BLTP2: variants seen among roughly 807,000 people sequenced by gnomAD.
The protein encoded by BLTP2 is bridge-like lipid transfer protein family member 2, also known as U937-associated antigen.
chr17:28,616,324 C>CA, the BLTP2 span: 2 of 1,612,760 alleles, frequency 1.2e-6, no homozygotes, highest in Admixed American at 3.3e-5. The surrounding 1 kb of genome is among the most constrained non-coding windows in gnomAD (Gnocchi z 4.8). Flanking sequence ...CAAGCCACAC[C>CA]AAACAGGACC....
chr17:28,634,012 C>T, the BLTP2 span: 5 of 1,614,152 alleles, frequency 3.1e-6, no homozygotes, highest in Non-Finnish European at 4.2e-6. Flanking sequence ...CCACTCTGCT[C>T]GGTGCCCACA....
At chr17:28,640,052 G>C in the BLTP2 span, 7 of 1,610,122 alleles carry the variant, frequency 4.3e-6, no homozygotes, top group Non-Finnish European at 5.1e-6. Flanking sequence ...TCCAGCTCAG[G>C]AAGATGTGGA....
At chr17:28,624,001 A>G in the BLTP2 span, 1 of 1,592,106 alleles carries the variant, frequency 6.3e-7, no homozygotes, top group Non-Finnish European at 8.6e-7. Context: ...TAAGCTACCA[A>G]GGACGATGAG....
the BLTP2 span, among the ~76,000 whole-genome samples, chr17:28,637,645 T>G: frequency 6.6e-5 from 10 of 152,228 alleles, no homozygotes; most frequent in Admixed American, 2.6e-4. Context: ...GGTTACACAC[T>G]ACACACTTCA....
At chr17:28,620,202 C>G in the BLTP2 span, 1 of 647,760 alleles carries the variant, frequency 1.5e-6, no homozygotes, top group South Asian at 2.0e-5. Context: ...CACAATAGGT[C>G]AGGCCCAACA....
the BLTP2 span, chr17:28,620,430 G>A: frequency 1.3e-6 from 2 of 1,529,124 alleles, no homozygotes; most frequent in Non-Finnish European, 1.8e-6. Flanking sequence ...CATGGCTTTT[G>A]TTACAGAAGC....
the BLTP2 span, chr17:28,639,796 C>A: frequency 6.8e-7 from 1 of 1,468,206 alleles, no homozygotes; most frequent in Non-Finnish European, 9.5e-7. Flanking sequence ...TCCTTCCACT[C>A]CCCAGTTACA....
the BLTP2 span, chr17:28,619,116 A>G: frequency 9.7e-6 from 6 of 619,338 alleles, no homozygotes; most frequent in African/African-American, 1.1e-4. Flanking sequence ...TTTTCACTGA[A>G]TTTATTGCTC....
chr17:28,642,926 G>A, the BLTP2 span: 1 of 1,611,820 alleles, frequency 6.2e-7, no homozygotes, highest in Non-Finnish European at 8.5e-7. Context: ...ATGCCATAAG[G>A]ACTCAGAGGT....
the BLTP2 span, among the ~76,000 whole-genome samples, chr17:28,619,391 G>A: frequency 6.6e-6 from 1 of 152,048 alleles, no homozygotes; most frequent in Non-Finnish European, 1.5e-5. Context: ...AGCACTTTGG[G>A]AGGCCAAGGC....
chr17:28,634,705 C>G, the BLTP2 span: 12 of 1,613,990 alleles, frequency 7.4e-6, no homozygotes, highest in Admixed American at 1.7e-5. Flanking sequence ...AAGCAGTGCC[C>G]GGCGCATGGG....
chr17:28,633,887 C>G, the BLTP2 span: 1 of 1,613,918 alleles, frequency 6.2e-7, no homozygotes, highest in Non-Finnish European at 8.5e-7. Flanking sequence ...TGCCTCATCT[C>G]TACTCACAGT....
chr17:28,645,014 C>G, the BLTP2 span: 3 of 1,597,902 alleles, frequency 1.9e-6, no homozygotes, highest in East Asian at 6.9e-5. Context: ...GCGCTAAGCG[C>G]AACTAGCAGC....
the BLTP2 span, chr17:28,643,983 TA>T: frequency 1.3e-6 from 2 of 1,524,226 alleles, no homozygotes; most frequent in South Asian, 1.3e-5. Context: ...TTTCTATTTT[TA>T]AAAAAAGGAA....
the BLTP2 span, chr17:28,635,479 G>C: frequency 1.2e-6 from 2 of 1,614,206 alleles, no homozygotes; most frequent in Admixed American, 1.7e-5. Context: ...TAGTGCAAGG[G>C]ATGGTACAGT....
At chr17:28,625,411 TTC>T in the BLTP2 span, among the ~76,000 whole-genome samples, 11,158 of 149,498 alleles carry the variant, frequency 0.075, 490 homozygotes, top group South Asian at 0.15. Flanking sequence ...CATAAAAATA[TTC>T]TCTTACCTCT....
the BLTP2 span, chr17:28,643,283 C>T: frequency 6.2e-7 from 1 of 1,614,186 alleles, no homozygotes; most frequent in South Asian, 1.1e-5. Context: ...CTGATACGCA[C>T]TTCTCCAAAG....
At chr17:28,619,587 TG>T in the BLTP2 span, 1 of 1,600,672 alleles carries the variant, frequency 6.2e-7, no homozygotes, top group Non-Finnish European at 8.5e-7. Flanking sequence ...AGTCAAAACA[TG>T]GGCAAGAAAG....
the BLTP2 span, chr17:28,621,277 G>T: frequency 6.9e-7 from 1 of 1,448,100 alleles, no homozygotes; most frequent in Non-Finnish European, 9.7e-7. Flanking sequence ...TTTCAACCCA[G>T]CCTAGCACAA....
Sources: allele counts gnomAD v4.1 joint callset (sites outside exome capture counted in the v4.1 genomes callset), GRCh38; gene constraint gnomAD v4.1.1; non-coding constraint Gnocchi (gnomAD v3.1); transcripts MANE v1.5; gene names NCBI Gene and HGNC (gene_info 2026-07-23, HGNC 2026-07-21).